SPSB1: variants seen among roughly 807,000 people sequenced by gnomAD.
SPSB1 encodes SPRY domain-containing SOCS box protein 1.
In SPSB1, 8 loss-of-function variants were observed where a neutral mutation model predicts 21.2. The observed-to-expected ratio is 0.38, with a 90% CI of 0.22 to 0.68. SPSB1 has a LOEUF of 0.68. Ranked by LOEUF, SPSB1 falls within the 30% of genes least tolerant of loss-of-function variation. SPSB1 has a pLI of 0.53. For missense variants in SPSB1, 242 were observed against 377.8 expected (o/e 0.64, Z 2.98); for synonymous variants, 169 against 161.7 (o/e 1.05, Z -0.34).
At chr1:9,295,768 C>T (rs1639214045) in intron 1 of SPSB1, among the ~76,000 whole-genome samples, 1 of 152,230 alleles carries the variant, frequency 6.6e-6, no homozygotes, top group Admixed American at 6.5e-5. Flanking sequence ...TTTTCAAATT[C>T]AGCGAAACCT....
At chr1:9,336,852 A>G (rs1237787071) in intron 1 of SPSB1, among the ~76,000 whole-genome samples, 5 of 152,188 alleles carry the variant, frequency 3.3e-5, no homozygotes, top group Non-Finnish European at 5.9e-5. Flanking sequence ...AGTTCTTTCT[A>G]TAGTCCCTGT....
intron 1 of SPSB1, among the ~76,000 whole-genome samples, chr1:9,299,797 T>A (rs1172549352): frequency 1.4e-5 from 2 of 145,166 alleles, no homozygotes; most frequent in African/African-American, 2.5e-5. Context: ...TCTCTATAAA[T>A]TTTTTTTTTT....
At chr1:9,349,947 C>G (rs1037800615) in intron 1 of SPSB1, among the ~76,000 whole-genome samples, 5 of 152,140 alleles carry the variant, frequency 3.3e-5, no homozygotes, top group Non-Finnish European at 7.4e-5. Flanking sequence ...TACACACACA[C>G]AGACACACGC....
In SPSB1 at chr1:9,324,203, C is replaced by G. The variant is rs1229355956; in HGVS notation, c.-150+31132C>G. On this transcript the variant is annotated intron_variant, in intron 1 of 2. Transcript: ENST00000328089. The surrounding 1 kb of genome is among the most constrained non-coding windows in gnomAD (Gnocchi z 4.3). ...TTTCTCATCCGGCAAGTGGACACCT[C>G]TGACGCAGCTGGAATGGGCCTAGGT... 2.6e-5 allele frequency among the ~76,000 whole-genome samples: 4 copies of G among 152,240 alleles called. No homozygotes were observed. Among genetic ancestry groups the G allele is most frequent in the African/African-American group, 9.7e-5 (4 of 41,446 alleles).
Position 9,305,553 on chromosome 1 carries a change from T to C in SPSB1, c.-150+12482T>C, listed in dbSNP as rs189699691. Among the ~76,000 whole-genome samples, 13 of 152,146 alleles carry C rather than the reference T, an allele frequency of 8.5e-5. No homozygotes were observed. Among genetic ancestry groups the C allele is most frequent in the African/African-American group, 3.1e-4 (13 of 41,510 alleles). On this transcript the variant is annotated intron_variant, in intron 1 of 2. Coordinates refer to ENST00000328089, the MANE Select transcript of SPSB1 (RefSeq NM_025106.4). The surrounding 1 kb of genome is among the most constrained non-coding windows in gnomAD (Gnocchi z 4.8). ...GGTGGCGTAGTGGATCCTAGCAGGGTCTGGGAGAGCTCGATGTGGGCCCAG... is the reference window on the plus strand; with the variant it reads ...GGTGGCGTAGTGGATCCTAGCAGGGCCTGGGAGAGCTCGATGTGGGCCCAG...
Position 9,363,979 on chromosome 1 carries a change from C to T in SPSB1, c.695-3469C>T, listed in dbSNP as rs996009644. On this transcript the variant is annotated intron_variant, in intron 2 of 2. Transcript: ENST00000328089. The surrounding 1 kb of genome is among the most constrained non-coding windows in gnomAD (Gnocchi z 4.5). ...CCTCCCAAAGTGCTGGGATTACAGG[C>T]ATAAGCCACCGCGTCCAGCCTAGAA... Among the ~76,000 whole-genome samples the T allele has an allele frequency of 6.6e-5, 10 of 152,326 alleles. No individual in the cohort carries two copies. Among genetic ancestry groups the T allele is most frequent in the African/African-American group, 2.2e-4 (9 of 41,586 alleles).
intron 1 of SPSB1, among the ~76,000 whole-genome samples, chr1:9,320,073 C>A (rs959691359): frequency 2.0e-5 from 3 of 152,186 alleles, no homozygotes; most frequent in African/African-American, 7.2e-5. Flanking sequence ...GCTAGACTCA[C>A]CTGCTCAGGG....
chr1:9,360,288 C>T (rs1640447790), intron 2 of SPSB1, among the ~76,000 whole-genome samples: 1 of 152,140 alleles, frequency 6.6e-6, no homozygotes, highest in East Asian at 1.9e-4. Context: ...GGCAAAGTAG[C>T]AGCAGGTCAA....
intron 1 of SPSB1, among the ~76,000 whole-genome samples, chr1:9,316,701 C>T (rs1197862673): frequency 6.6e-6 from 1 of 152,236 alleles, no homozygotes; most frequent in Non-Finnish European, 1.5e-5. Context: ...TGTGGCGCGG[C>T]ACGGGCCTTC....
rs1294236501 is a variant in SPSB1 at position 9,348,404 on chromosome 1, C to A, written c.-149-7339C>A. Reference sequence around the variant, plus strand: ...CAGGGACCTGCCTTGCCTCTCCTGCCCCTCCAGGCTCCCTCAGCCTTCAGA... The same window carrying A: ...CAGGGACCTGCCTTGCCTCTCCTGCACCTCCAGGCTCCCTCAGCCTTCAGA... On this transcript the variant is annotated intron_variant, in intron 1 of 2. Coordinates refer to ENST00000328089, the MANE Select transcript of SPSB1 (RefSeq NM_025106.4). The surrounding 1 kb of genome is among the most constrained non-coding windows in gnomAD (Gnocchi z 4.8). Among the ~76,000 whole-genome samples, 1 of 152,042 alleles carries A rather than the reference C, an allele frequency of 6.6e-6. No individual in the cohort carries two copies.
chr1:9,325,235 C>G (rs1256386643), intron 1 of SPSB1, among the ~76,000 whole-genome samples: 1 of 146,778 alleles, frequency 6.8e-6, no homozygotes, highest in Non-Finnish European at 1.5e-5. Context: ...ACCCCCCCCC[C>G]CCGCCCCGCC....
At chr1:9,303,366 A>G (rs932968919) in intron 1 of SPSB1, among the ~76,000 whole-genome samples, 1 of 152,246 alleles carries the variant, frequency 6.6e-6, no homozygotes, top group Non-Finnish European at 1.5e-5. Flanking sequence ...AGGAACACAG[A>G]ACAGGACAGA....
At chr1:9,320,296 C>T (rs546767860) in intron 1 of SPSB1, among the ~76,000 whole-genome samples, 2 of 152,224 alleles carry the variant, frequency 1.3e-5, no homozygotes. Flanking sequence ...GCCATTATTG[C>T]CTCTTGGGCC....
At chr1:9,337,377 G>A (rs983122646) in intron 1 of SPSB1, among the ~76,000 whole-genome samples, 4 of 152,122 alleles carry the variant, frequency 2.6e-5, no homozygotes. Context: ...CAGGGGAGGA[G>A]TGTGGCCAGG....
intron 1 of SPSB1, among the ~76,000 whole-genome samples, chr1:9,312,224 A>G (rs780632729): frequency 4.6e-5 from 7 of 151,864 alleles, no homozygotes; most frequent in Non-Finnish European, 7.4e-5. Flanking sequence ...CTGCAGTGCT[A>G]TGTTGCTCAG....
intron 1 of SPSB1, among the ~76,000 whole-genome samples, chr1:9,354,641 C>T (rs556710583): frequency 3.9e-5 from 6 of 152,080 alleles, no homozygotes; most frequent in African/African-American, 1.4e-4. Context: ...GGTGAAACCC[C>T]GTCTCTACTA....
At position 9,367,350 on chromosome 1, in the gene SPSB1, G is replaced by GT. The variant is rs574097186; in HGVS notation, c.695-97dup. The stretch of plus-strand genomic sequence containing the variant: ...TTTCATTGTTTCTTTACTGATTTGA[G>GT]TGAATACTAATCAGTGATAATATTG... On this transcript the variant is annotated intron_variant, in intron 2 of 2. Transcript: ENST00000328089. This position sits in a 1 kb window ranked among gnomAD's most constrained non-coding sequence, Gnocchi z 5.9. 1.2e-3 allele frequency: 1,952 copies of GT among 1,565,238 alleles called. 41 individuals carry two copies. In the South Asian group the frequency reaches 0.02, roughly 16 times the overall value.
Position 9,333,348 on chromosome 1 carries a change from T to A in SPSB1, c.-149-22395T>A, listed in dbSNP as rs538483074. 1.0e-4 allele frequency among the ~76,000 whole-genome samples: 11 copies of A among 109,706 alleles called. No individual in the cohort carries two copies. The East Asian group carries it at 1.9e-3, about 19-fold the overall frequency. 72.0% of individuals were successfully genotyped at this position (109,706 alleles called of 152,430 possible). On this transcript the variant is annotated intron_variant, in intron 1 of 2. Coordinates refer to ENST00000328089, the MANE Select transcript of SPSB1 (RefSeq NM_025106.4). ...AGCTTCTTTTTTTTTTTTTTTTTTT[T>A]AAGGCAGAGTCTCACTCTGTTGCCC...
intron 1 of SPSB1, among the ~76,000 whole-genome samples, chr1:9,302,969 G>A (rs1639359366): frequency 6.6e-6 from 1 of 152,178 alleles, no homozygotes; most frequent in Non-Finnish European, 1.5e-5. Context: ...TGGTTCCAGA[G>A]AGAGGAATGC....
Sources: allele counts gnomAD v4.1 joint callset (sites outside exome capture counted in the v4.1 genomes callset), GRCh38; gene constraint gnomAD v4.1.1; non-coding constraint Gnocchi (gnomAD v3.1); transcripts MANE v1.5; gene names NCBI Gene and HGNC (gene_info 2026-07-23, HGNC 2026-07-21).